Variants in GRM7 observed in about 807,000 individuals in gnomAD.
The protein encoded by GRM7 is metabotropic glutamate receptor 7.
Under a neutral mutation model 84.5 loss-of-function variants are expected in GRM7, and 35 were observed. That is an observed-to-expected ratio of 0.41 (90% CI 0.32 to 0.55). The LOEUF (loss-of-function observed/expected upper bound fraction) is 0.55, where lower values mean the gene tolerates loss of function less well. Among genes scored for constraint, GRM7 ranks in the 20% least tolerant of loss-of-function variants. The probability of loss-of-function intolerance (pLI) is 0.19; values close to 1 mark genes in which losing one functional copy is unlikely to be tolerated. For synonymous variants in GRM7, 487 were observed against 455.1 expected (o/e 1.07, Z -0.89); for missense variants, 1,003 against 1,194.6 (o/e 0.84, Z 2.36).
rs570479774 is a variant in GRM7, at chr3:7,480,222, G to A, written c.1515+18500G>A. Among the ~76,000 whole-genome samples, 7 of 152,240 alleles carry A rather than the reference G, an allele frequency of 4.6e-5. No homozygotes were observed. The East Asian group carries it at 7.7e-4, about 17-fold the overall frequency. Reference sequence around the variant, plus strand: ...ATAAGAACTAAGCATGCACAACTCCGCTAGGCCCCTCAAGATAGAAGAGTT... The same window carrying A: ...ATAAGAACTAAGCATGCACAACTCCACTAGGCCCCTCAAGATAGAAGAGTT... On this transcript the variant is annotated intron_variant, in intron 7 of 9. Coordinates refer to ENST00000357716, the MANE Select transcript of GRM7 (RefSeq NM_000844.4).
intron 8 of GRM7, among the ~76,000 whole-genome samples, chr3:7,626,899 G>C (rs1337206424): frequency 6.7e-6 from 1 of 149,706 alleles, no homozygotes; most frequent in African/African-American, 2.5e-5. Context: ...CAATAGCCCA[G>C]GTCCAAAAGC....
intron 9 of GRM7, among the ~76,000 whole-genome samples, chr3:7,700,327 G>C (rs1378842845): frequency 6.6e-6 from 1 of 152,208 alleles, no homozygotes. Flanking sequence ...AAGCATCTCA[G>C]CATCAGCAGT....
intron 7 of GRM7, among the ~76,000 whole-genome samples, chr3:7,548,867 C>A (rs1329366150): frequency 1.3e-5 from 2 of 152,196 alleles, no homozygotes; most frequent in Non-Finnish European, 2.9e-5. Flanking sequence ...TGAAGCTTTT[C>A]AAAGTGAATG....
intron 1 of GRM7, among the ~76,000 whole-genome samples, chr3:7,091,175 C>T (rs749451476): frequency 6.9e-5 from 10 of 145,692 alleles, no homozygotes; most frequent in East Asian, 2.0e-4. Context: ...TAATAGGTGT[C>T]GAAAGGATTG....
chr3:7,526,138 T>C (rs1700798171), intron 7 of GRM7, among the ~76,000 whole-genome samples: 1 of 152,144 alleles, frequency 6.6e-6, no homozygotes, highest in Admixed American at 6.6e-5. Flanking sequence ...CTTTCCACAG[T>C]GTCTGAACTA....
chr3:7,598,591 T>C (rs1344690976), intron 8 of GRM7, among the ~76,000 whole-genome samples: 3 of 152,206 alleles, frequency 2.0e-5, no homozygotes, highest in Non-Finnish European at 4.4e-5. Flanking sequence ...GGTCTTGAAG[T>C]TGTCCTTTAT....
At chr3:7,645,024 G>A (rs1480686444) in intron 8 of GRM7, among the ~76,000 whole-genome samples, 2 of 151,912 alleles carry the variant, frequency 1.3e-5, no homozygotes, top group Non-Finnish European at 1.5e-5. Flanking sequence ...CTTGTGTGTT[G>A]AGCATGCAAA....
chr3:7,598,786 A>G (rs535699302), intron 8 of GRM7, among the ~76,000 whole-genome samples: 60 of 152,342 alleles, frequency 3.9e-4, no homozygotes, highest in African/African-American at 1.4e-3. Flanking sequence ...ATGATGAAAA[A>G]ATAAGTGTTT....
At chr3:6,912,349 G>T (rs2125018973) in intron 1 of GRM7, among the ~76,000 whole-genome samples, 1 of 152,166 alleles carries the variant, frequency 6.6e-6, no homozygotes, top group Non-Finnish European at 1.5e-5. Context: ...ACTTCATTTG[G>T]CTATGCAAAC....
Position 7,740,480 on chromosome 3 carries a change from T to C in GRM7, c.*74T>C. ...TGTCACCCAACCTGGCATAGGACTC[T>C]TTGGTCCTACCCGCTTCCCATCACC... On this transcript the variant is annotated 3_prime_UTR_variant, in exon 10 of 10. Coordinates refer to ENST00000357716, the MANE Select transcript of GRM7 (RefSeq NM_000844.4). 4.8e-6 allele frequency: 4 copies of C among 840,346 alleles called. No individual in the cohort carries two copies. The highest frequency in any genetic ancestry group is 7.5e-6 in the Non-Finnish European group (4 of 533,502). The allele number at this position is 840,346 out of a possible 1,614,324, so 52.1% of individuals were successfully genotyped here. A position where few individuals can be genotyped will look rare whatever the true frequency, so the allele number is the denominator to read the frequency against.
chr3:7,183,556 G>A (rs1695416282), intron 2 of GRM7, among the ~76,000 whole-genome samples: 1 of 152,142 alleles, frequency 6.6e-6, no homozygotes, highest in African/African-American at 2.4e-5. Context: ...GAACCCGGGA[G>A]GTGGAGGTTG....
chr3:7,146,063 ATCTT>A (rs1574959263), intron 1 of GRM7, among the ~76,000 whole-genome samples: 2 of 152,208 alleles, frequency 1.3e-5, no homozygotes, highest in East Asian at 3.9e-4. Flanking sequence ...AACTAAACCA[ATCTT>A]TATATACACT....
chr3:7,282,795 G>A (rs1202698093), intron 2 of GRM7, among the ~76,000 whole-genome samples: 2 of 152,062 alleles, frequency 1.3e-5, no homozygotes, highest in South Asian at 2.1e-4. Flanking sequence ...GATATATACC[G>A]TGGGATGTTC....
chr3:6,994,038 G>C (rs950046863), intron 1 of GRM7, among the ~76,000 whole-genome samples: 1 of 152,150 alleles, frequency 6.6e-6, no homozygotes, highest in Non-Finnish European at 1.5e-5. Flanking sequence ...TGATTTATTA[G>C]TGGAAATTTG....
At chr3:7,217,831 G>T (rs1696666177) in intron 2 of GRM7, among the ~76,000 whole-genome samples, 1 of 149,130 alleles carries the variant, frequency 6.7e-6, no homozygotes, top group Non-Finnish European at 1.5e-5. Context: ...ATAGATGTGT[G>T]TATATGTGTG....
intron 7 of GRM7, among the ~76,000 whole-genome samples, chr3:7,566,911 A>T (rs1379335710): frequency 2.6e-5 from 4 of 152,188 alleles, no homozygotes; most frequent in African/African-American, 9.7e-5. Context: ...CAACTATTCA[A>T]TTTCTCTGGG....
chr3:7,529,763 C>A (rs1280870909), intron 7 of GRM7, among the ~76,000 whole-genome samples: 2 of 151,896 alleles, frequency 1.3e-5, no homozygotes, highest in Non-Finnish European at 2.9e-5. Context: ...ATCCTGGTAC[C>A]CCTACCAGCC....
At chr3:7,435,767 A>C (rs1370008741) in intron 5 of GRM7, among the ~76,000 whole-genome samples, 1 of 143,550 alleles carries the variant, frequency 7.0e-6, no homozygotes, top group Non-Finnish European at 1.5e-5. Context: ...GGCTCACTGC[A>C]AGATCTGCCT....
At chr3:7,100,791 C>A (rs2125021355) in intron 1 of GRM7, among the ~76,000 whole-genome samples, 1 of 151,882 alleles carries the variant, frequency 6.6e-6, no homozygotes, top group South Asian at 2.1e-4. Flanking sequence ...CCCTTCTGAT[C>A]ACCCCTTTCT....
Sources: gnomAD v4.1 joint callset for allele counts (sites outside exome capture counted in the v4.1 genomes callset) on GRCh38, gnomAD v4.1.1 for gene constraint, MANE v1.5 for transcripts, NCBI Gene and HGNC (gene_info 2026-07-23, HGNC 2026-07-21) for gene names.